Variants in MGAT4C observed in about 807,000 individuals in gnomAD.
MGAT4C encodes alpha-1,3-mannosyl-glycoprotein 4-beta-N-acetylglucosaminyltransferase C.
In MGAT4C, 19 loss-of-function variants were observed where a neutral mutation model predicts 40.1. The observed-to-expected ratio is 0.47, with a 90% CI of 0.33 to 0.70. The LOEUF is 0.70. Ranked by LOEUF, MGAT4C falls within the 30% of genes least tolerant of loss-of-function variation. The pLI is 0.02. For missense variants in MGAT4C, 491 were observed against 563.2 expected (o/e 0.87, Z 1.30); for synonymous variants, 181 against 187.1 (o/e 0.97, Z 0.27).
chr12:86,483,121 G>C (rs1424468070), intron 2 of MGAT4C, among the ~76,000 whole-genome samples: 4 of 152,098 alleles, frequency 2.6e-5, no homozygotes, highest in African/African-American at 7.2e-5. Context: ...CCTTCTTCTT[G>C]TTGTGTCCTC....
intron 2 of MGAT4C, among the ~76,000 whole-genome samples, chr12:86,027,480 C>T (rs563475029): frequency 6.9e-4 from 105 of 151,632 alleles, no homozygotes; most frequent in Middle Eastern, 6.9e-3. Context: ...ATTTCTGGCC[C>T]AGAGAACAGA....
At chr12:86,588,606 T>C (rs1961174102) in intron 2 of MGAT4C, among the ~76,000 whole-genome samples, 1 of 152,038 alleles carries the variant, frequency 6.6e-6, no homozygotes, top group African/African-American at 2.4e-5. Context: ...ATAGATTTTT[T>C]CAGCACCACA....
intron 1 of MGAT4C, among the ~76,000 whole-genome samples, chr12:86,223,103 A>G (rs1315146354): frequency 2.0e-5 from 3 of 152,200 alleles, no homozygotes; most frequent in Non-Finnish European, 2.9e-5. Context: ...TACTATTCTG[A>G]GATCCAAGTC....
intron 2 of MGAT4C, among the ~76,000 whole-genome samples, chr12:86,469,609 T>C (rs752627657): frequency 1.3e-5 from 2 of 152,100 alleles, no homozygotes; most frequent in East Asian, 1.9e-4. Context: ...ACCAAAGTAA[T>C]TGCGGTTTTT....
At chr12:86,606,205 T>C (rs959023306) in intron 2 of MGAT4C, among the ~76,000 whole-genome samples, 3 of 152,094 alleles carry the variant, frequency 2.0e-5, no homozygotes, top group Admixed American at 2.0e-4. Context: ...GGAATTACAA[T>C]TCGTGATGAG....
At chr12:86,827,339 G>A (rs1952827472) in intron 1 of MGAT4C, among the ~76,000 whole-genome samples, 1 of 151,418 alleles carries the variant, frequency 6.6e-6, no homozygotes, top group East Asian at 1.9e-4. Flanking sequence ...AAAAATATTA[G>A]TATTCTCTCA....
chr12:86,240,214 A>G (rs1049379306), intron 1 of MGAT4C, among the ~76,000 whole-genome samples: 5 of 151,100 alleles, frequency 3.3e-5, no homozygotes, highest in Admixed American at 6.6e-5. Flanking sequence ...ATATATATAT[A>G]TGTGTATTTT....
At chr12:86,528,228 T>G (rs972442898) in intron 2 of MGAT4C, among the ~76,000 whole-genome samples, 1 of 152,084 alleles carries the variant, frequency 6.6e-6, no homozygotes, top group Non-Finnish European at 1.5e-5. Flanking sequence ...TAAAGAAGAT[T>G]ATTGCTATGA....
intron 3 of MGAT4C, among the ~76,000 whole-genome samples, chr12:86,434,973 G>A (rs955121628): frequency 1.3e-5 from 2 of 151,852 alleles, no homozygotes; most frequent in African/African-American, 4.8e-5. Flanking sequence ...ATATGACTCA[G>A]TGTTTCAGTT....
intron 2 of MGAT4C, among the ~76,000 whole-genome samples, chr12:86,724,896 G>A (rs557285691): frequency 6.6e-6 from 1 of 152,230 alleles, no homozygotes; most frequent in African/African-American, 2.4e-5. Context: ...GATGTTAAGT[G>A]TTCTTACCAC....
At chr12:86,828,979 G>T (rs773349459) in intron 1 of MGAT4C, among the ~76,000 whole-genome samples, 2 of 151,534 alleles carry the variant, frequency 1.3e-5, no homozygotes, top group African/African-American at 2.4e-5. Context: ...TATGCTTAAA[G>T]AATTCTATGG....
In MGAT4C at chr12:86,690,784, T is replaced by C. The variant is rs143066224; in HGVS notation, c.-229+36425A>G. Reference sequence around the variant, plus strand: ...TGGAAAGACCAATCTCAACTTTTAATGTTGATGTTCTCAGGACTCAATATT... The same window carrying C: ...TGGAAAGACCAATCTCAACTTTTAACGTTGATGTTCTCAGGACTCAATATT... On this transcript the variant is annotated intron_variant, in intron 2 of 7. Transcript: ENST00000548651. Among the ~76,000 whole-genome samples the C allele has an allele frequency of 5.0e-3, 768 of 152,296 alleles. 4 individuals are homozygous for C. Among genetic ancestry groups the C allele is most frequent in the African/African-American group, 0.018 (733 of 41,566 alleles).
intron 1 of MGAT4C, among the ~76,000 whole-genome samples, chr12:86,078,755 G>C (rs150297306): frequency 1.3e-5 from 2 of 152,064 alleles, no homozygotes; most frequent in South Asian, 4.1e-4. Context: ...ATGGCCCATC[G>C]GGCGATGACA....
chr12:86,685,863 A>ATTT (rs1210645588), intron 2 of MGAT4C, among the ~76,000 whole-genome samples: 2 of 136,586 alleles, frequency 1.5e-5, no homozygotes, highest in Admixed American at 7.4e-5. Context: ...AATGCTTGTG[A>ATTT]TTTTTTTTTT....
At chr12:86,769,004 C>A in intron 1 of MGAT4C, among the ~76,000 whole-genome samples, 1 of 151,482 alleles carries the variant, frequency 6.6e-6, no homozygotes, top group Non-Finnish European at 1.5e-5. Context: ...CAACAAAAGA[C>A]AAAATTGACA....
chr12:86,401,276 G>A (rs1258994239), intron 3 of MGAT4C, among the ~76,000 whole-genome samples: 1 of 130,870 alleles, frequency 7.6e-6, no homozygotes, highest in Non-Finnish European at 1.7e-5. Context: ...GTGTGTGTGT[G>A]TGTGTATGTG....
At chr12:86,793,371 T>C (rs921031938) in intron 1 of MGAT4C, among the ~76,000 whole-genome samples, 2 of 152,166 alleles carry the variant, frequency 1.3e-5, no homozygotes, top group Admixed American at 1.3e-4. Flanking sequence ...ACCTCTCTAC[T>C]CTTTCTAAAC....
At chr12:86,679,347 C>T (rs1435345334) in intron 2 of MGAT4C, among the ~76,000 whole-genome samples, 5 of 152,044 alleles carry the variant, frequency 3.3e-5, no homozygotes, top group Admixed American at 6.6e-5. Context: ...TCAAGATCTT[C>T]TTTAAGATAC....
chr12:86,575,717 T>C (rs61950821), intron 2 of MGAT4C, among the ~76,000 whole-genome samples: 131 of 152,026 alleles, frequency 8.6e-4, no homozygotes, highest in Non-Finnish European at 1.5e-3. Flanking sequence ...ATTTTGAGTA[T>C]ATACCCAGCA....
Sources: allele counts gnomAD v4.1 joint callset (sites outside exome capture counted in the v4.1 genomes callset), GRCh38; gene constraint gnomAD v4.1.1; transcripts MANE v1.5; gene names NCBI Gene and HGNC (gene_info 2026-07-23, HGNC 2026-07-21).